KCNMB2: variants seen among roughly 807,000 people sequenced by gnomAD.
KCNMB2 encodes the protein calcium-activated potassium channel subunit beta-2.
Under a neutral mutation model 24.5 loss-of-function variants are expected in KCNMB2, and 9 were observed. The ratio of observed to expected loss-of-function variants is 0.37; its 90% CI spans 0.22 to 0.64. The LOEUF (loss-of-function observed/expected upper bound fraction) is 0.64, where lower values mean the gene tolerates loss of function less well. KCNMB2 is among the 30% of genes least tolerant of loss of function. The pLI is 0.63. For missense variants in KCNMB2, 226 were observed against 284.3 expected, an observed-to-expected ratio of 0.79 and a Z score of 1.47; for synonymous variants, 109 against 104.4, an observed-to-expected ratio of 1.04 and a Z score of -0.27.
chr3:178,703,996 G>T (rs1388999086), intron 1 of KCNMB2, among the ~76,000 whole-genome samples: 2 of 152,074 alleles, frequency 1.3e-5, no homozygotes, highest in Non-Finnish European at 2.9e-5. Flanking sequence ...TAAAGAAAAT[G>T]CTTTCGTTTA....
At chr3:178,644,548 T>A (rs999080204) in intron 1 of KCNMB2, among the ~76,000 whole-genome samples, 4 of 152,236 alleles carry the variant, frequency 2.6e-5, no homozygotes, top group Non-Finnish European at 4.4e-5. Flanking sequence ...CAGTGCTGCA[T>A]CTGTGAGATG....
chr3:178,720,150 G>T (rs1230494978), intron 1 of KCNMB2, among the ~76,000 whole-genome samples: 3 of 151,784 alleles, frequency 2.0e-5, no homozygotes, highest in African/African-American at 7.3e-5. Context: ...CCCACAACAG[G>T]CCCCAGAGTG....
At position 178,579,033 on chromosome 3, in the gene KCNMB2, A is replaced by G. The variant is rs549099842; in HGVS notation, c.-68+42322A>G. 2.0e-5 allele frequency among the ~76,000 whole-genome samples: 3 copies of G among 152,346 alleles called. No homozygotes were observed. The South Asian group carries it at 6.2e-4, about 32-fold the overall frequency. On this transcript the variant is annotated intron_variant, in intron 1 of 4. Coordinates refer to ENST00000452583, the MANE Select transcript of KCNMB2 (RefSeq NM_181361.3). ...TATGGACCAAGCAGACCTAATAGAC[A>G]TCAACAGAACTCTCCACCCCAAATC...
intron 1 of KCNMB2, among the ~76,000 whole-genome samples, chr3:178,734,775 G>A (rs992995191): frequency 2.6e-5 from 4 of 152,100 alleles, no homozygotes; most frequent in Admixed American, 6.6e-5. Flanking sequence ...GTTAACTGGT[G>A]TCTTCAATCA....
chr3:178,604,510 C>T (rs1342345913), intron 1 of KCNMB2, among the ~76,000 whole-genome samples: 1 of 151,948 alleles, frequency 6.6e-6, no homozygotes, highest in Admixed American at 6.6e-5. Flanking sequence ...CTCCTCATAA[C>T]CTAAAATTAC....
intron 1 of KCNMB2, among the ~76,000 whole-genome samples, chr3:178,718,952 T>C (rs1559987999): frequency 6.6e-6 from 1 of 152,158 alleles, no homozygotes; most frequent in Non-Finnish European, 1.5e-5. Flanking sequence ...CCCAAGTGGC[T>C]ATAAGATGGG....
chr3:178,782,971 A>G (rs1712932424), intron 1 of KCNMB2, among the ~76,000 whole-genome samples: 1 of 149,356 alleles, frequency 6.7e-6, no homozygotes, highest in Admixed American at 6.7e-5. Flanking sequence ...TTTTTGTATA[A>G]GGTGTAAGGA....
At chr3:178,730,757 C>T (rs1723123173) in intron 1 of KCNMB2, among the ~76,000 whole-genome samples, 1 of 152,092 alleles carries the variant, frequency 6.6e-6, no homozygotes, top group Admixed American at 6.6e-5. Context: ...CTAATGCCTG[C>T]AGTAGACCCT....
At chr3:178,735,974 TA>T (rs1427656846) in intron 1 of KCNMB2, among the ~76,000 whole-genome samples, 2 of 152,186 alleles carry the variant, frequency 1.3e-5, no homozygotes, top group Admixed American at 6.5e-5. Context: ...GGAGTACAAA[TA>T]AAGTCTGCCG....
chr3:178,599,579 CATTT>C (rs1407826155), intron 1 of KCNMB2, among the ~76,000 whole-genome samples: 1 of 152,116 alleles, frequency 6.6e-6, no homozygotes, highest in Non-Finnish European at 1.5e-5. Flanking sequence ...TTACCTTGTG[CATTT>C]ACTTTCTTTA....
At position 178,784,110 on chromosome 3, in the gene KCNMB2, G is replaced by A. The variant is rs1577185546; in HGVS notation, c.-67-23233G>A. 3.9e-5 allele frequency among the ~76,000 whole-genome samples: 6 copies of A among 152,202 alleles called. No individual in the cohort carries two copies. In the South Asian group the frequency reaches 1.2e-3, roughly 31 times the overall value. On this transcript the variant is annotated intron_variant, in intron 1 of 4. Coordinates refer to ENST00000452583, the MANE Select transcript of KCNMB2 (RefSeq NM_181361.3). ...TTGGCTGCTATAGCCTATGGGCAAA[G>A]AGGCAGTTCTTCTGGGTCTTGACAG...
chr3:178,691,196 C>T (rs1398240503), intron 1 of KCNMB2, among the ~76,000 whole-genome samples: 2 of 144,284 alleles, frequency 1.4e-5, no homozygotes, highest in African/African-American at 2.6e-5. Context: ...GATCCACCTG[C>T]CTCAGCCTCT....
In KCNMB2 at chr3:178,726,837, C is replaced by A. The variant is rs200105284; in HGVS notation, c.-67-80506C>A. On this transcript the variant is annotated intron_variant, in intron 1 of 4. Transcript: ENST00000452583. ...GAGCCAATGTAGCTCAAGATCACAG[C>A]CTGTCACTATTTTTATTAATTTGTC... Among the ~76,000 whole-genome samples the A allele has an allele frequency of 1.4e-4, 22 of 152,050 alleles. No homozygotes were observed. The East Asian group carries it at 3.1e-3, about 21-fold the overall frequency.
chr3:178,582,594 G>A (rs913467665), intron 1 of KCNMB2, among the ~76,000 whole-genome samples: 21 of 152,130 alleles, frequency 1.4e-4, no homozygotes, highest in Admixed American at 1.2e-3. Flanking sequence ...AAGATAATGG[G>A]TTGTCTAGTT....
At chr3:178,758,003 A>AG (rs1560006338) in intron 1 of KCNMB2, among the ~76,000 whole-genome samples, 3 of 1,460 alleles carry the variant, frequency 2.1e-3, no homozygotes, top group African/African-American at 3.3e-3. Flanking sequence ...ATATATCTAG[A>AG]TATATATATA....
At chr3:178,574,412 C>A (rs1368110780) in intron 1 of KCNMB2, among the ~76,000 whole-genome samples, 9 of 152,214 alleles carry the variant, frequency 5.9e-5, no homozygotes, top group Admixed American at 5.9e-4. Context: ...TTAAGTATTT[C>A]TTCATGTTCA....
chr3:178,550,443 G>C (rs140322354), intron 1 of KCNMB2, among the ~76,000 whole-genome samples: 2,984 of 132,168 alleles, frequency 0.023, 103 homozygotes, highest in African/African-American at 0.082. Context: ...GGGCGACAGA[G>C]CGAGACTCCG....
chr3:178,801,501 GAA>G (rs897102289), intron 1 of KCNMB2, among the ~76,000 whole-genome samples: 2 of 152,110 alleles, frequency 1.3e-5, no homozygotes, highest in Non-Finnish European at 2.9e-5. Flanking sequence ...AATTGGGAGA[GAA>G]AAGTATTTTT....
At chr3:178,696,283 C>A (rs1402804752) in intron 1 of KCNMB2, among the ~76,000 whole-genome samples, 1 of 152,172 alleles carries the variant, frequency 6.6e-6, no homozygotes, top group Admixed American at 6.6e-5. Context: ...ATGGGAACTA[C>A]AATTCAAGAT....
Sources: gnomAD v4.1 joint callset for allele counts (sites outside exome capture counted in the v4.1 genomes callset) on GRCh38, gnomAD v4.1.1 for gene constraint, MANE v1.5 for transcripts, NCBI Gene and HGNC (gene_info 2026-07-23, HGNC 2026-07-21) for gene names.